Variants in CD58 observed in about 807,000 individuals in gnomAD.
The protein encoded by CD58 is lymphocyte function-associated antigen 3.
A neutral mutation model predicts 27.6 loss-of-function variants in CD58; 14 were observed. That is an observed-to-expected ratio of 0.51 (90% CI 0.34 to 0.79). CD58 has a LOEUF of 0.79. Ranked by LOEUF, CD58 falls within the 30% of genes least tolerant of loss-of-function variation. The probability of loss-of-function intolerance (pLI) is 0.02; values close to 1 mark genes in which losing one functional copy is unlikely to be tolerated. For missense variants in CD58, 268 were observed against 301.7 expected, an observed-to-expected ratio of 0.89 and a Z score of 0.83; for synonymous variants, 117 against 103.8, an observed-to-expected ratio of 1.13 and a Z score of -0.77.
chr1:116,534,599 C>T lies in CD58; in HGVS notation c.628+1366G>A, dbSNP rs1275606085. On this transcript the variant is annotated intron_variant, in intron 3 of 5. Transcript: ENST00000369489. The surrounding 1 kb of genome is among the most constrained non-coding windows in gnomAD (Gnocchi z 5.3). The stretch of plus-strand genomic sequence containing the variant: ...GGCAGTGGGCGGCAGGGCAGGGGCG[C>T]ACCGGGTGCTGGGAGGGGCCGCTCC... Among the ~76,000 whole-genome samples the T allele has an allele frequency of 6.6e-6, 1 of 152,178 alleles. No individual in the cohort carries two copies. The highest frequency in any genetic ancestry group is 1.9e-4 in the East Asian group (1 of 5,190).
At chr1:116,564,739 T>C (rs1658876805) in intron 1 of CD58, among the ~76,000 whole-genome samples, 1 of 152,214 alleles carries the variant, frequency 6.6e-6, no homozygotes, top group African/African-American at 2.4e-5. Context: ...AGCCCTGCCC[T>C]TGACATATGG....
At chr1:116,554,040 A>G (rs1658479241) in intron 1 of CD58, among the ~76,000 whole-genome samples, 2 of 152,194 alleles carry the variant, frequency 1.3e-5, no homozygotes, top group African/African-American at 4.8e-5. Flanking sequence ...TTAAACACAC[A>G]TACAAAAACA....
chr1:116,569,758 C>A (rs76453805), intron 1 of CD58, among the ~76,000 whole-genome samples: 3 of 152,018 alleles, frequency 2.0e-5, no homozygotes, highest in Admixed American at 2.0e-4. Context: ...TGCGCCACCA[C>A]GCTCAGCTAA....
In CD58 at chr1:116,519,017, G is replaced by T; in HGVS notation, c.743+214C>A. Reference sequence around the variant, plus strand: ...CTCCTCCTGCAAGGCTCATTGAGAGGGTTCCAGGAAACGATATGCAGAGAG... The same window carrying T: ...CTCCTCCTGCAAGGCTCATTGAGAGTGTTCCAGGAAACGATATGCAGAGAG... On this transcript the variant is annotated intron_variant, in intron 5 of 5. Transcript: ENST00000369489. The surrounding 1 kb of genome is among the most constrained non-coding windows in gnomAD (Gnocchi z 4.7). 1.7e-6 allele frequency: 2 copies of T among 1,151,822 alleles called. No individual in the cohort carries two copies. Among genetic ancestry groups the T allele is most frequent in the Admixed American group, 3.0e-5 (1 of 33,862 alleles). The allele number at this position is 1,151,822 out of a possible 1,614,324, so 71.4% of individuals were successfully genotyped here. A position where few individuals can be genotyped will look rare whatever the true frequency, so the allele number is the denominator to read the frequency against.
rs1467960287 is a variant in CD58 at position 116,559,411 on chromosome 1, C to CACCA, written c.70+11491_70+11492insTGGT. On this transcript the variant is annotated intron_variant, in intron 1 of 5. Coordinates refer to ENST00000369489, the MANE Select transcript of CD58 (RefSeq NM_001779.3). The surrounding 1 kb of genome is among the most constrained non-coding windows in gnomAD (Gnocchi z 4.4). ...GCAAGGGGCAGAGCTGGTGTCCAGA[C>CACCA]ACAGGCAGTCGGCCCCAGAGCCTGC... Among the ~76,000 whole-genome samples the CACCA allele has an allele frequency of 3.3e-5, 5 of 152,338 alleles. No homozygotes were observed. The East Asian group carries it at 9.6e-4, about 29-fold the overall frequency.
Position 116,521,880 on chromosome 1 carries a change from T to G in CD58, c.706+26A>C, listed in dbSNP as rs754151565. ...TGGAAAACAATGCAAGTTTTCAAAC[T>G]ATTTTGTTTTAAAAAGCATACATAC... On this transcript the variant is annotated intron_variant, in intron 4 of 5. Coordinates refer to ENST00000369489, the MANE Select transcript of CD58 (RefSeq NM_001779.3). The surrounding 1 kb of genome is among the most constrained non-coding windows in gnomAD (Gnocchi z 5.6). 1.7e-6 allele frequency: 2 copies of G among 1,210,606 alleles called. No homozygotes were observed. Among genetic ancestry groups the G allele is most frequent in the Non-Finnish European group, 2.4e-6 (2 of 824,792 alleles). The allele number at this position is 1,210,606 out of a possible 1,614,324, so 75.0% of individuals were successfully genotyped here. A position where few individuals can be genotyped will look rare whatever the true frequency, so the allele number is the denominator to read the frequency against.
intron 1 of CD58, among the ~76,000 whole-genome samples, chr1:116,569,072 T>G (rs1659037165): frequency 6.6e-6 from 1 of 152,188 alleles, no homozygotes; most frequent in Non-Finnish European, 1.5e-5. Flanking sequence ...AAATAATCTG[T>G]TGGAGGTGGA....
chr1:116,526,040 GTTGT>G (rs1413760545), intron 3 of CD58, among the ~76,000 whole-genome samples: 3 of 152,068 alleles, frequency 2.0e-5, no homozygotes, highest in African/African-American at 4.8e-5. Flanking sequence ...TTTTAATTGG[GTTGT>G]TTGTGTTTTT....
At chr1:116,558,782 C>T (rs1658662164) in intron 1 of CD58, among the ~76,000 whole-genome samples, 1 of 152,188 alleles carries the variant, frequency 6.6e-6, no homozygotes, top group Admixed American at 6.5e-5. Context: ...GTAGCAGCAG[C>T]ACGAAGATTC....
chr1:116,517,567 C>T lies in CD58; in HGVS notation c.743+1664G>A, dbSNP rs561486979. ...GACTCCACAAAACCAAAGGTCTTAA[C>T]CCCTCGCCTACCTCCTTGTCTCTGC... On this transcript the variant is annotated intron_variant, in intron 5 of 5. Coordinates refer to ENST00000369489, the MANE Select transcript of CD58 (RefSeq NM_001779.3). The surrounding 1 kb of genome is among the most constrained non-coding windows in gnomAD (Gnocchi z 6.5). Among the ~76,000 whole-genome samples the T allele has an allele frequency of 3.9e-5, 6 of 152,318 alleles. No individual in the cohort carries two copies. In the East Asian group the frequency reaches 7.7e-4, roughly 20 times the overall value.
chr1:116,536,246 A>G lies in CD58; in HGVS notation c.365-18T>C. 1 of 1,581,462 alleles carries G rather than the reference A, an allele frequency of 6.3e-7. No individual in the cohort carries two copies. The highest frequency in any genetic ancestry group is 8.6e-7 in the Non-Finnish European group (1 of 1,159,162). On this transcript the variant is annotated intron_variant, in intron 2 of 5. Transcript: ENST00000369489. This position sits in a 1 kb window ranked among gnomAD's most constrained non-coding sequence, Gnocchi z 5.4. Reference sequence around the variant, plus strand: ...AAGAGACTCTGGAAAAAAAAGTATAATATTTAGTACAGAAAATAGTAATAT... The same window carrying G: ...AAGAGACTCTGGAAAAAAAAGTATAGTATTTAGTACAGAAAATAGTAATAT...
In CD58 at chr1:116,514,575, C is replaced by G; in HGVS notation, c.*238G>C. On this transcript the variant is annotated 3_prime_UTR_variant, in exon 6 of 6. Transcript: ENST00000369489. Reference sequence around the variant, plus strand: ...TTACATTTATTTACAAAAGTATCTACATCATCAGTAAAAACAATTTACTGA... The same window carrying G: ...TTACATTTATTTACAAAAGTATCTAGATCATCAGTAAAAACAATTTACTGA... 1 of 461,412 alleles carries G rather than the reference C, an allele frequency of 2.2e-6. No homozygotes were observed. Among genetic ancestry groups the G allele is most frequent in the Admixed American group, 4.2e-5 (1 of 23,548 alleles). The allele number at this position is 461,412 out of a possible 1,614,324, so 28.6% of individuals were successfully genotyped here.
chr1:116,536,812 T>C lies in CD58; in HGVS notation c.365-584A>G, dbSNP rs527979246. 5.3e-4 allele frequency among the ~76,000 whole-genome samples: 80 copies of C among 152,314 alleles called. No individual in the cohort carries two copies. The highest frequency in any genetic ancestry group is 6.8e-3 in the Middle Eastern group (2 of 294). ...GCCCCAAATCCCTTATCCTCAATTCTTAAATCAAAAAATCTCTGAAGCCAA... is the reference window on the plus strand; with the variant it reads ...GCCCCAAATCCCTTATCCTCAATTCCTAAATCAAAAAATCTCTGAAGCCAA... On this transcript the variant is annotated intron_variant, in intron 2 of 5. Transcript: ENST00000369489. This position sits in a 1 kb window ranked among gnomAD's most constrained non-coding sequence, Gnocchi z 5.4.
In CD58 at chr1:116,529,000, G is replaced by C. The variant is rs1657510554; in HGVS notation, c.628+6965C>G. Among the ~76,000 whole-genome samples, 1 of 152,112 alleles carries C rather than the reference G, an allele frequency of 6.6e-6. No individual in the cohort carries two copies. Among genetic ancestry groups the C allele is most frequent in the Admixed American group, 6.5e-5 (1 of 15,274 alleles). Reference sequence around the variant, plus strand: ...CCTGTATCCTGAATAACAACTAGCAGTTTTATAGTGACTAACCATCAATAC... The same window carrying C: ...CCTGTATCCTGAATAACAACTAGCACTTTTATAGTGACTAACCATCAATAC... On this transcript the variant is annotated intron_variant, in intron 3 of 5. Transcript: ENST00000369489. This position sits in a 1 kb window ranked among gnomAD's most constrained non-coding sequence, Gnocchi z 4.4.
In CD58 at chr1:116,536,184, T is replaced by G; in HGVS notation, c.409A>C (p.Ser137Arg). The G allele has an allele frequency of 1.2e-6, 2 of 1,611,414 alleles. No homozygotes were observed. Among genetic ancestry groups the G allele is most frequent in the Non-Finnish European group, 1.7e-6 (2 of 1,177,658 alleles). Reference protein sequence around the residue: ...PTLTCALTNGSIEVQCMIPEH... With the variant: ...PTLTCALTNGRIEVQCMIPEH... ...GGTATCATGCATTGGACTTCAATGCTTCCATTAGTCAATGCACAAGTTAGT... is the reference window on the plus strand; with the variant it reads ...GGTATCATGCATTGGACTTCAATGCGTCCATTAGTCAATGCACAAGTTAGT... The change falls in exon 3 of 6, where the codon AGC (serine) becomes CGC (arginine). Residue 137 changes from serine (S) to arginine (R), a missense_variant. Ser to Arg is a moderately radical substitution (Grantham distance 110, BLOSUM62 -1). Transcript: ENST00000369489. The surrounding 1 kb of genome is among the most constrained non-coding windows in gnomAD (Gnocchi z 5.4).
Position 116,570,934 on chromosome 1 carries a change from G to T in CD58, c.39C>A (p.Val13=). The change falls in exon 1 of 6, where the codon GTC becomes GTA. Residue 13 remains valine, a synonymous_variant. Transcript: ENST00000369489. This position sits in a 1 kb window ranked among gnomAD's most constrained non-coding sequence, Gnocchi z 6.4. ...AGSDAGRALG[V]LSVVCLLHCF... is the part of the protein sequence containing the mutation. The stretch of plus-strand genomic sequence containing the variant: ...AGTGCAGCAGGCAGACCACGCTGAG[G>T]ACCCCCAGGGCCCGCCCCGCGTCGC... 6.4e-7 allele frequency: 1 copy of T among 1,568,686 alleles called. No homozygotes were observed. Among genetic ancestry groups the T allele is most frequent in the Middle Eastern group, 1.7e-4 (1 of 5,850 alleles).
Position 116,536,332 on chromosome 1 carries a change from T to G in CD58, c.365-104A>C. On this transcript the variant is annotated intron_variant, in intron 2 of 5. Coordinates refer to ENST00000369489, the MANE Select transcript of CD58 (RefSeq NM_001779.3). The surrounding 1 kb of genome is among the most constrained non-coding windows in gnomAD (Gnocchi z 5.4). The stretch of plus-strand genomic sequence containing the variant: ...CAACCTCCTTACAAGCTTGAAAGGA[T>G]GAGCAGACAAACTCCTTGAGCATCA... 2.5e-6 allele frequency: 2 copies of G among 788,360 alleles called. No individual in the cohort carries two copies. Among genetic ancestry groups the G allele is most frequent in the Non-Finnish European group, 3.9e-6 (2 of 510,426 alleles). The allele number at this position is 788,360 out of a possible 1,614,324, so 48.8% of individuals were successfully genotyped here.
intron 1 of CD58, among the ~76,000 whole-genome samples, chr1:116,567,231 G>A (rs1212551427): frequency 8.6e-6 from 1 of 116,118 alleles, no homozygotes; most frequent in African/African-American, 3.1e-5. Context: ...GGGGAGGGGA[G>A]GGAAAGGGAG....
chr1:116,561,061 A>T (rs1196881429), intron 1 of CD58, among the ~76,000 whole-genome samples: 1 of 152,240 alleles, frequency 6.6e-6, no homozygotes, highest in East Asian at 1.9e-4. Context: ...ACTTACACAT[A>T]TAAGGGCTGA....
Sources: gnomAD v4.1 joint callset for allele counts (sites outside exome capture counted in the v4.1 genomes callset) on GRCh38, gnomAD v4.1.1 for gene constraint, Gnocchi (gnomAD v3.1) non-coding constraint, MANE v1.5 for transcripts, NCBI Gene and HGNC (gene_info 2026-07-23, HGNC 2026-07-21) for gene names.